Variants in SLIT3 observed in about 807,000 individuals in gnomAD.
SLIT3 encodes slit guidance ligand 3, also known as slit homolog 3 protein.
SLIT3 carries 68 observed loss-of-function variants against 184.0 expected under a neutral mutation model. The ratio of observed to expected loss-of-function variants is 0.37; its 90% CI spans 0.30 to 0.45. The LOEUF (loss-of-function observed/expected upper bound fraction) is 0.45, where lower values mean the gene tolerates loss of function less well. SLIT3 is among the 20% of genes least tolerant of loss of function. The probability of loss-of-function intolerance (pLI) is 1.00; values close to 1 mark genes in which losing one functional copy is unlikely to be tolerated. For synonymous variants in SLIT3, 831 were observed against 828.6 expected (o/e 1.00, Z -0.05); for missense variants, 1,707 against 2,026.0 (o/e 0.84, Z 3.02).
chr5:169,233,369 T>C (rs2113556772), intron 3 of SLIT3, among the ~76,000 whole-genome samples: 1 of 151,706 alleles, frequency 6.6e-6, no homozygotes, highest in East Asian at 2.0e-4. Context: ...TTTTTTTAAT[T>C]TCCCAATTGT....
intron 1 of SLIT3, among the ~76,000 whole-genome samples, chr5:169,287,893 A>G (rs1767212342): frequency 6.6e-6 from 1 of 152,100 alleles, no homozygotes; most frequent in Non-Finnish European, 1.5e-5. Context: ...CTCCAAAAAG[A>G]AACTCCACTG....
intron 27 of SLIT3, among the ~76,000 whole-genome samples, chr5:168,697,942 G>A (rs954357692): frequency 3.3e-5 from 5 of 152,190 alleles, no homozygotes; most frequent in East Asian, 3.9e-4. Context: ...GTGGCTGGTC[G>A]AGGAAAGAGA....
intron 4 of SLIT3, among the ~76,000 whole-genome samples, chr5:169,016,441 C>G (rs1581308601): frequency 6.6e-6 from 1 of 152,110 alleles, no homozygotes; most frequent in South Asian, 2.1e-4. Context: ...AACCAGAAAG[C>G]CTTCCTAGGA....
Position 168,772,855 on chromosome 5 carries a change from GC to G in SLIT3, c.1384del (p.Ala462ProfsTer78). The G allele has an allele frequency of 6.2e-7, 1 of 1,614,096 alleles. No individual in the cohort carries two copies. The highest frequency in any genetic ancestry group is 8.5e-7 in the Non-Finnish European group (1 of 1,180,012). On this transcript the variant is annotated frameshift_variant, in exon 14 of 36. Transcript: ENST00000519560. LOFTEE classifies it high-confidence loss of function. ...GAGTCGGCGCGGGCTGCTGCAGCGG[GC>G]CCCGCTTGTCTCGATGGGGTTGTCC... is the stretch of plus-strand genomic sequence containing the variant. ...LQDNPIETSG[A>X]RCSSPRRLAN...
At chr5:168,840,915 A>T (rs531316791) in intron 6 of SLIT3, among the ~76,000 whole-genome samples, 11 of 152,192 alleles carry the variant, frequency 7.2e-5, no homozygotes, top group Non-Finnish European at 1.6e-4. Flanking sequence ...ATCAGTGAAA[A>T]AGCAGGACGA....
At chr5:169,177,821 C>T (rs1170024223) in intron 4 of SLIT3, among the ~76,000 whole-genome samples, 1 of 152,182 alleles carries the variant, frequency 6.6e-6, no homozygotes, top group African/African-American at 2.4e-5. Flanking sequence ...TCACCCCCAC[C>T]TCAAGGAGAC....
chr5:168,829,854 G>A (rs61426386), intron 6 of SLIT3, among the ~76,000 whole-genome samples: 20,799 of 152,204 alleles, frequency 0.14, 1,765 homozygotes, highest in East Asian at 0.26. Context: ...GGCAGTGTGC[G>A]GACCTCAAGG....
chr5:168,786,563 T>A (rs1756161152), intron 11 of SLIT3, among the ~76,000 whole-genome samples: 1 of 152,162 alleles, frequency 6.6e-6, no homozygotes, highest in Non-Finnish European at 1.5e-5. Context: ...CAGCTTTTAC[T>A]TTCTATCCGC....
intron 1 of SLIT3, among the ~76,000 whole-genome samples, chr5:169,253,297 G>T (rs1189832240): frequency 6.6e-6 from 1 of 152,130 alleles, no homozygotes; most frequent in Non-Finnish European, 1.5e-5. Flanking sequence ...ACACAGCATG[G>T]TATCTCAGCA....
Position 168,665,275 on chromosome 5 carries a change from C to G in SLIT3, c.*1179G>C, listed in dbSNP as rs1013367668. ...AGTTTGGATATGCATTGGAAAGTGTCACAGATGGGCAAGGAGTCTCTATCG... is the reference window on the plus strand; with the variant it reads ...AGTTTGGATATGCATTGGAAAGTGTGACAGATGGGCAAGGAGTCTCTATCG... On this transcript the variant is annotated 3_prime_UTR_variant, in exon 36 of 36. Transcript: ENST00000519560. The G allele has an allele frequency of 2.0e-5, 3 of 152,326 alleles. No individual in the cohort carries two copies. The highest frequency in any genetic ancestry group is 4.4e-5 in the Non-Finnish European group (3 of 68,054). 9.4% of individuals were successfully genotyped at this position (152,326 alleles called of 1,614,324 possible).
intron 4 of SLIT3, among the ~76,000 whole-genome samples, chr5:168,926,764 C>A (rs1761839005): frequency 6.6e-6 from 1 of 151,726 alleles, no homozygotes; most frequent in Admixed American, 6.6e-5. Context: ...AAATGGTCAA[C>A]AAGTGTATGA....
chr5:169,042,220 A>G (rs180823755), intron 4 of SLIT3, among the ~76,000 whole-genome samples: 186 of 152,316 alleles, frequency 1.2e-3, no homozygotes, highest in Admixed American at 2.6e-3. Flanking sequence ...TCATACAGAA[A>G]CACTTTAATC....
At chr5:168,842,469 G>GTTTTTTGTTTTTTTTTT (rs1554147713) in intron 6 of SLIT3, among the ~76,000 whole-genome samples, 2 of 88,100 alleles carry the variant, frequency 2.3e-5, no homozygotes, top group African/African-American at 9.6e-5. Flanking sequence ...CCGTTTTTTC[G>GTTTTTTGTTTTTTTTTT]TTTTTTTTTT....
intron 34 of SLIT3, 42 bp from the exon 35 acceptor site, chr5:168,670,033 T>G: frequency 6.3e-7 from 1 of 1,575,464 alleles, no homozygotes; most frequent in South Asian, 1.1e-5. Context: ...TGGATCAGAG[T>G]TGGTGCTGCT....
In SLIT3 at chr5:168,676,581, C is replaced by T. The variant is rs139308102; in HGVS notation, c.3687-3250G>A. ...AAAGCAGGAAGGGGAGGGATGGCCC[C>T]GTGCAGAGACCATAAACTTGTGACC... On this transcript the variant is annotated intron_variant, in intron 32 of 35. Transcript: ENST00000519560. Among the ~76,000 whole-genome samples the T allele has an allele frequency of 2.3e-3, 356 of 152,308 alleles. 1 individual carries two copies. Among genetic ancestry groups the T allele is most frequent in the African/African-American group, 8.0e-3 (333 of 41,550 alleles).
At chr5:168,858,304 T>C (rs1234343941) in intron 5 of SLIT3, among the ~76,000 whole-genome samples, 5 of 152,212 alleles carry the variant, frequency 3.3e-5, no homozygotes, top group Admixed American at 3.3e-4. Context: ...TTCCCCAACA[T>C]TCTCCAGTAA....
intron 4 of SLIT3, among the ~76,000 whole-genome samples, chr5:169,150,246 A>T (rs559876797): frequency 2.4e-4 from 36 of 152,306 alleles, no homozygotes; most frequent in Non-Finnish European, 4.4e-4. Flanking sequence ...CAGATCTCTA[A>T]GTTAATTACT....
intron 2 of SLIT3, 139 bp from the exon 3 acceptor site, chr5:169,244,915 G>T (rs1244273030): frequency 6.8e-6 from 5 of 739,026 alleles, no homozygotes; most frequent in Non-Finnish European, 4.7e-6. Context: ...CAGTCTGATG[G>T]GACAAGATAA....
At chr5:169,121,331 C>T (rs890972867) in intron 4 of SLIT3, among the ~76,000 whole-genome samples, 1 of 152,172 alleles carries the variant, frequency 6.6e-6, no homozygotes. Context: ...AGATTAAAGT[C>T]ACATTCTCAT....
Sources: allele counts gnomAD v4.1 joint callset (sites outside exome capture counted in the v4.1 genomes callset), GRCh38; gene constraint gnomAD v4.1.1; transcripts MANE v1.5; gene names NCBI Gene and HGNC (gene_info 2026-07-23, HGNC 2026-07-21).